KIAA0825: variants seen among roughly 807,000 people sequenced by gnomAD.
KIAA0825 encodes the protein KIAA0825.
A neutral mutation model predicts 147.6 loss-of-function variants in KIAA0825; 119 were observed. That is an observed-to-expected ratio of 0.81 (90% CI 0.69 to 0.94). KIAA0825 has a LOEUF of 0.94. Among genes scored for constraint, KIAA0825 ranks in the 40% least tolerant of loss-of-function variants. KIAA0825 has a pLI of 0.00. For synonymous variants in KIAA0825, 470 were observed against 518.1 expected, an observed-to-expected ratio of 0.91 and a Z score of 1.26; for missense variants, 1,381 against 1,472.7, an observed-to-expected ratio of 0.94 and a Z score of 1.02.
At chr5:94,498,916 C>T (rs1428880413) in intron 5 of KIAA0825, among the ~76,000 whole-genome samples, 1 of 152,178 alleles carries the variant, frequency 6.6e-6, no homozygotes, top group African/African-American at 2.4e-5. Flanking sequence ...TCCCTGAATT[C>T]CTAATGTGTT....
intron 20 of KIAA0825, among the ~76,000 whole-genome samples, chr5:94,179,282 C>T (rs1304069197): frequency 6.6e-6 from 1 of 151,966 alleles, no homozygotes; most frequent in African/African-American, 2.4e-5. Flanking sequence ...AGGAAAACAA[C>T]CGACAAATCA....
intron 20 of KIAA0825, among the ~76,000 whole-genome samples, chr5:94,154,484 C>T (rs1033986180): frequency 6.6e-6 from 1 of 152,242 alleles, no homozygotes; most frequent in African/African-American, 2.4e-5. Context: ...CATTTTTTCC[C>T]TCACTGATTA....
chr5:94,362,130 G>T (rs571071623), intron 20 of KIAA0825, among the ~76,000 whole-genome samples: 1 of 152,170 alleles, frequency 6.6e-6, no homozygotes, highest in Non-Finnish European at 1.5e-5. Flanking sequence ...TAAAATTTTA[G>T]TGACAGTCTA....
chr5:94,559,241 T>G (rs1777124601), intron 2 of KIAA0825, among the ~76,000 whole-genome samples: 1 of 152,100 alleles, frequency 6.6e-6, no homozygotes, highest in Non-Finnish European at 1.5e-5. Context: ...AGTACTTTTA[T>G]TTTATGTTTT....
In KIAA0825 at chr5:94,304,531, GTGT is replaced by G. The variant is rs1383838628; in HGVS notation, c.3710+79834_3710+79836del. Among the ~76,000 whole-genome samples, 5 of 152,052 alleles carry G rather than the reference GTGT, an allele frequency of 3.3e-5. No individual in the cohort carries two copies. The East Asian group carries it at 9.7e-4, about 29-fold the overall frequency. ...AAGACTCGCCGAATCTCATTTAACT[GTGT>G]TGTTATTATTTCCCCTTTCACCACA... On this transcript the variant is annotated intron_variant, in intron 20 of 20. Coordinates refer to ENST00000682413, the MANE Select transcript of KIAA0825 (RefSeq NM_001145678.3).
In KIAA0825 at chr5:94,426,631, G is replaced by A. The variant is rs567707133; in HGVS notation, c.2498-9266C>T. On this transcript the variant is annotated intron_variant, in intron 14 of 20. Coordinates refer to ENST00000682413, the MANE Select transcript of KIAA0825 (RefSeq NM_001145678.3). ...ACAGTTAGAAGAAATAAGTTCTTGC[G>A]TTCAGCAACAGAGTAGGGTGATTAT... is the stretch of plus-strand genomic sequence containing the variant. Among the ~76,000 whole-genome samples, 29 of 152,286 alleles carry A rather than the reference G, an allele frequency of 1.9e-4. No individual in the cohort carries two copies. The South Asian group carries it at 3.7e-3, about 20-fold the overall frequency.
intron 20 of KIAA0825, among the ~76,000 whole-genome samples, chr5:94,310,402 T>A (rs1779053353): frequency 6.6e-6 from 1 of 151,736 alleles, no homozygotes; most frequent in African/African-American, 2.4e-5. Flanking sequence ...TATTTCATGT[T>A]TTGTCATTGA....
At position 94,567,079 on chromosome 5, in the gene KIAA0825, T is replaced by C. The variant is rs925400011; in HGVS notation, c.-2+15354A>G. ...TATCCAATAGAAAACTTCATCTCTA[T>C]CAAAAGATTTTCCCCATAAGTCTTG... is the stretch of plus-strand genomic sequence containing the variant. On this transcript the variant is annotated intron_variant, in intron 2 of 20. Transcript: ENST00000682413. Among the ~76,000 whole-genome samples, 11 of 152,278 alleles carry C rather than the reference T, an allele frequency of 7.2e-5. No individual in the cohort carries two copies. The Middle Eastern group carries it at 0.01, about 141-fold the overall frequency.
chr5:94,429,445 G>A (rs1044748103), intron 14 of KIAA0825, among the ~76,000 whole-genome samples: 1 of 151,592 alleles, frequency 6.6e-6, no homozygotes, highest in African/African-American at 2.4e-5. Flanking sequence ...GGGTCTTTTG[G>A]CTTTGCTTCT....
chr5:94,396,158 T>TGTATGAGCAAA lies in KIAA0825; in HGVS notation c.3238_3239insTTTGCTCATAC (p.Gln1080LeufsTer15). On this transcript the variant is annotated frameshift_variant, in exon 17 of 21. Transcript: ENST00000682413. LOFTEE classifies it high-confidence loss of function. ...TTGACGTTCAATCCAGTTGGGCTTC[T>TGTATGAGCAAA]GCTGCTCAATGCTCTGTATGACCTT... 1.9e-6 allele frequency: 3 copies of TGTATGAGCAAA among 1,539,638 alleles called. No individual in the cohort carries two copies. Among genetic ancestry groups the TGTATGAGCAAA allele is most frequent in the Non-Finnish European group, 1.7e-6 (2 of 1,143,086 alleles).
chr5:94,247,495 T>A (rs1775690280), intron 20 of KIAA0825, among the ~76,000 whole-genome samples: 1 of 152,014 alleles, frequency 6.6e-6, no homozygotes, highest in Non-Finnish European at 1.5e-5. Context: ...TTAAAATAGG[T>A]TTAATTTCAG....
chr5:94,165,457 A>G (rs1767946834), intron 20 of KIAA0825, among the ~76,000 whole-genome samples: 1 of 152,180 alleles, frequency 6.6e-6, no homozygotes, highest in Non-Finnish European at 1.5e-5. Context: ...GAGGTTCCTC[A>G]AAAAACTAAA....
intron 20 of KIAA0825, among the ~76,000 whole-genome samples, chr5:94,207,419 G>C (rs1772304937): frequency 6.6e-6 from 1 of 152,142 alleles, no homozygotes; most frequent in African/African-American, 2.4e-5. Flanking sequence ...GTCTGCCAGA[G>C]ATCTTTGGCA....
At chr5:94,223,025 C>G (rs1773807269) in intron 20 of KIAA0825, among the ~76,000 whole-genome samples, 1 of 152,140 alleles carries the variant, frequency 6.6e-6, no homozygotes, top group Non-Finnish European at 1.5e-5. Flanking sequence ...AGTCCTCATG[C>G]TGTACTTAGA....
chr5:94,504,139 C>A (rs192073537), intron 5 of KIAA0825, among the ~76,000 whole-genome samples: 3 of 152,300 alleles, frequency 2.0e-5, no homozygotes, highest in African/African-American at 7.2e-5. Context: ...TTGACAAGAT[C>A]GCATTTCTCC....
At chr5:94,454,057 C>G (rs999079768) in intron 12 of KIAA0825, among the ~76,000 whole-genome samples, 1 of 152,130 alleles carries the variant, frequency 6.6e-6, no homozygotes, top group African/African-American at 2.4e-5. Flanking sequence ...CTACGGCTAT[C>G]AACAGTTACT....
chr5:94,155,898 T>C (rs1016966218), intron 20 of KIAA0825, among the ~76,000 whole-genome samples: 1 of 152,156 alleles, frequency 6.6e-6, no homozygotes, highest in Non-Finnish European at 1.5e-5. Context: ...GTTTTACAAT[T>C]TAGCCCACAA....
intron 3 of KIAA0825, among the ~76,000 whole-genome samples, chr5:94,524,725 T>C (rs1768931044): frequency 6.6e-6 from 1 of 151,752 alleles, no homozygotes; most frequent in Non-Finnish European, 1.5e-5. Context: ...TATATTTGGG[T>C]GGGTGTAATT....
rs147720311 is a variant in KIAA0825, at chr5:94,358,036, A to G, written c.3710+26332T>C. Reference sequence around the variant, plus strand: ...AGCTCTTTTGCTATACACAGTATCTATCTTCATCAGAACTAGGAAGGTCTT... The same window carrying G: ...AGCTCTTTTGCTATACACAGTATCTGTCTTCATCAGAACTAGGAAGGTCTT... On this transcript the variant is annotated intron_variant, in intron 20 of 20. Coordinates refer to ENST00000682413, the MANE Select transcript of KIAA0825 (RefSeq NM_001145678.3). Among the ~76,000 whole-genome samples, 452 of 152,284 alleles carry G rather than the reference A, an allele frequency of 3.0e-3. 4 individuals carry two copies. Among genetic ancestry groups the G allele is most frequent in the Non-Finnish European group, 4.2e-3 (286 of 68,022 alleles).
Sources: allele counts gnomAD v4.1 joint callset (sites outside exome capture counted in the v4.1 genomes callset), GRCh38; gene constraint gnomAD v4.1.1; transcripts MANE v1.5; gene names NCBI Gene and HGNC (gene_info 2026-07-23, HGNC 2026-07-21).